The following FAM222B variants were observed in gnomAD, a reference collection of about 807,000 sequenced individuals.
The protein encoded by FAM222B is family with sequence similarity 222 member B.
Under a neutral mutation model 38.0 loss-of-function variants are expected in FAM222B, and 12 were observed. That is an observed-to-expected ratio of 0.32 (90% CI 0.20 to 0.51). The LOEUF is 0.51. FAM222B is among the 20% of genes least tolerant of loss of function. FAM222B has a pLI of 0.97. For missense variants in FAM222B, 716 were observed against 754.2 expected (o/e 0.95, Z 0.59); for synonymous variants, 329 against 317.2 (o/e 1.04, Z -0.40).
intron 2 of FAM222B, among the ~76,000 whole-genome samples, 189 bp downstream of exon 2, chr17:28,766,397 G>A (rs2035327888): frequency 6.6e-6 from 1 of 151,534 alleles, no homozygotes; most frequent in South Asian, 2.1e-4. Flanking sequence ...AGGTTGCAGT[G>A]AGCCAATCAA....
chr17:28,843,549 A>G (rs1341210254), upstream of FAM222B, among the ~76,000 whole-genome samples: 127 of 133,938 alleles, frequency 9.5e-4, no homozygotes, highest in South Asian at 1.5e-3. Context: ...CCGGGTTCAA[A>G]CGATTCTCCT....
intron 1 of FAM222B, among the ~76,000 whole-genome samples, chr17:28,776,431 C>A: frequency 1.3e-5 from 2 of 148,826 alleles, no homozygotes; most frequent in Non-Finnish European, 1.5e-5. Flanking sequence ...CATCCATGAG[C>A]CAAAGGCTTA....
upstream of FAM222B, among the ~76,000 whole-genome samples, chr17:28,843,508 C>T (rs1311536431): frequency 5.0e-5 from 6 of 121,126 alleles, no homozygotes; most frequent in African/African-American, 2.0e-4. Context: ...AGTGCAGTGG[C>T]GCGATCTCAG....
intron 1 of FAM222B, among the ~76,000 whole-genome samples, chr17:28,770,568 A>AAT (rs200413576): frequency 7.1e-6 from 1 of 140,214 alleles, no homozygotes; most frequent in African/African-American, 2.6e-5. Context: ...ATGCCCAGCT[A>AAT]ATATTTTTTT....
chr17:28,847,867 T>TA (rs2039155890), intron 1 of FAM222B, among the ~76,000 whole-genome samples: 1 of 147,478 alleles, frequency 6.8e-6, no homozygotes, highest in Non-Finnish European at 1.5e-5. Flanking sequence ...TGAGCCGAGA[T>TA]AGCGCCACTG....
chr17:28,759,061 G>A lies in FAM222B; in HGVS notation c.898C>T (p.Arg300Cys), dbSNP rs201471823. ...GTGCTTGCATTGATGAGCAGACTGC[G>A]ACTAATGGGGCTGGGGTTGGCGATC... Reference protein sequence around the residue: ...GQIANPSPISRSLLINASTRV... With the variant: ...GQIANPSPISCSLLINASTRV... The change falls in exon 3 of 3, where the codon CGC becomes TGC. Residue 300 changes from arginine (R) to cysteine (C), a missense_variant. Arg to Cys is a radical substitution (Grantham distance 180). Coordinates refer to ENST00000581407, the MANE Select transcript of FAM222B (RefSeq NM_001077498.3). The surrounding 1 kb of genome is among the most constrained non-coding windows in gnomAD (Gnocchi z 4.8). The A allele has an allele frequency of 5.0e-5, 81 of 1,612,372 alleles. No homozygotes were observed. The highest frequency in any genetic ancestry group is 6.7e-5 in the Admixed American group (4 of 59,670).
At chr17:28,833,398 C>T (rs1158739832) in intron 1 of FAM222B, among the ~76,000 whole-genome samples, 1 of 151,198 alleles carries the variant, frequency 6.6e-6, no homozygotes, top group Non-Finnish European at 1.5e-5. Context: ...AGGTGCATCA[C>T]CTGAGGTCAG....
intron 1 of FAM222B, among the ~76,000 whole-genome samples, chr17:28,807,053 T>A (rs775981152): frequency 2.0e-5 from 3 of 152,136 alleles, no homozygotes; most frequent in Non-Finnish European, 2.9e-5. Flanking sequence ...TTCGTTCCTG[T>A]TGCCCAGGCT....
chr17:28,814,595 T>C (rs889021624), intron 1 of FAM222B, among the ~76,000 whole-genome samples: 4 of 152,028 alleles, frequency 2.6e-5, no homozygotes. Flanking sequence ...GCCTCCCAAG[T>C]AGCTGAAATT....
chr17:28,759,938 A>C lies in FAM222B; in HGVS notation c.83-62T>G, dbSNP rs540612554. The C allele has an allele frequency of 1.4e-6, 2 of 1,433,066 alleles. No individual in the cohort carries two copies. The highest frequency in any genetic ancestry group is 5.1e-5 in the East Asian group (2 of 39,120). The allele number at this position is 1,433,066 out of a possible 1,614,324, so 88.8% of individuals were successfully genotyped here. A position where few individuals can be genotyped will look rare whatever the true frequency, so the allele number is the denominator to read the frequency against. On this transcript the variant is annotated intron_variant, in intron 2 of 2. Transcript: ENST00000581407. This position sits in a 1 kb window ranked among gnomAD's most constrained non-coding sequence, Gnocchi z 4.8. ...GAGGGAGCTCATCAGTGCCAAGGCA[A>C]ACAGCCCTTCCAGATTCCCCTTTTG...
chr17:28,816,940 T>C (rs896226517), intron 1 of FAM222B, among the ~76,000 whole-genome samples: 1 of 152,112 alleles, frequency 6.6e-6, no homozygotes, highest in Non-Finnish European at 1.5e-5. Context: ...CAGGGGAGTA[T>C]AAAAATCCAA....
chr17:28,792,673 T>TG (rs936061742), intron 1 of FAM222B, among the ~76,000 whole-genome samples: 8 of 150,778 alleles, frequency 5.3e-5, no homozygotes, highest in African/African-American at 1.7e-4. Context: ...CCCAGTTACT[T>TG]GGGGGGCCAA....
intron 1 of FAM222B, among the ~76,000 whole-genome samples, chr17:28,830,763 A>G (rs1380348728): frequency 6.6e-6 from 1 of 151,820 alleles, no homozygotes; most frequent in East Asian, 1.9e-4. Context: ...AGGTAAGCAG[A>G]TGGCTTGAGC....
In FAM222B at chr17:28,778,731, T is replaced by A. The variant is rs2036028151; in HGVS notation, c.-40-12024A>T. 3.5e-5 allele frequency among the ~76,000 whole-genome samples: 4 copies of A among 113,028 alleles called. No individual in the cohort carries two copies. In the South Asian group the frequency reaches 1.0e-3, roughly 28 times the overall value. The allele number at this position is 113,028 out of a possible 152,430, so 74.2% of individuals were successfully genotyped here. On this transcript the variant is annotated intron_variant, in intron 1 of 2. Transcript: ENST00000581407. Reference sequence around the variant, plus strand: ...TATATATATATATATTTTTTTTTTTTTTTTTTTTTTTTTGGTAGAAGTGGG... The same window carrying A: ...TATATATATATATATTTTTTTTTTTATTTTTTTTTTTTTGGTAGAAGTGGG...
intron 1 of FAM222B, among the ~76,000 whole-genome samples, chr17:28,778,428 AT>A (rs1459703664): frequency 6.6e-6 from 1 of 151,236 alleles, no homozygotes; most frequent in Non-Finnish European, 1.5e-5. Context: ...ACATGAACTC[AT>A]TCTTTTTTAT....
At chr17:28,844,555 G>T (rs532637336), upstream of FAM222B, among the ~76,000 whole-genome samples, 24 of 152,270 alleles carry the variant, frequency 1.6e-4, no homozygotes, top group Admixed American at 6.5e-4. Flanking sequence ...CTACTCAGGA[G>T]GCTGAGGCAA....
intron 1 of FAM222B, among the ~76,000 whole-genome samples, chr17:28,773,574 G>C (rs1380315875): frequency 1.3e-5 from 2 of 151,458 alleles, no homozygotes; most frequent in Non-Finnish European, 2.9e-5. Flanking sequence ...CAAGGTGGGA[G>C]GATCACATTA....
chr17:28,812,926 G>C (rs1171531004), intron 1 of FAM222B, among the ~76,000 whole-genome samples: 1 of 143,468 alleles, frequency 7.0e-6, no homozygotes, highest in East Asian at 2.1e-4. Context: ...GCACTGCACT[G>C]TAACAGTGGA....
intron 1 of FAM222B, among the ~76,000 whole-genome samples, chr17:28,819,801 C>T (rs1489389924): frequency 2.0e-5 from 3 of 152,114 alleles, no homozygotes; most frequent in Non-Finnish European, 4.4e-5. Context: ...AGAAATAAAA[C>T]GTCTCTAAGA....
Sources: allele counts gnomAD v4.1 joint callset (sites outside exome capture counted in the v4.1 genomes callset), GRCh38; gene constraint gnomAD v4.1.1; non-coding constraint Gnocchi (gnomAD v3.1); transcripts MANE v1.5; gene names NCBI Gene and HGNC (gene_info 2026-07-23, HGNC 2026-07-21).